The following GHR variants were observed in gnomAD, a reference collection of about 807,000 sequenced individuals.
The protein encoded by GHR is GH receptor.
Under a neutral mutation model 67.1 loss-of-function variants are expected in GHR, and 35 were observed. The ratio of observed to expected loss-of-function variants is 0.52; its 90% CI spans 0.40 to 0.69. GHR has a LOEUF of 0.69. Among genes scored for constraint, GHR ranks in the 30% least tolerant of loss-of-function variants. The probability of loss-of-function intolerance (pLI) is 0.00; values close to 1 mark genes in which losing one functional copy is unlikely to be tolerated. For synonymous variants in GHR, 272 were observed against 269.1 expected (o/e 1.01, Z -0.10); for missense variants, 792 against 764.6 (o/e 1.04, Z -0.42).
At chr5:42,632,076 T>G (rs952479399) in intron 3 of GHR, among the ~76,000 whole-genome samples, 2 of 152,092 alleles carry the variant, frequency 1.3e-5, no homozygotes, top group East Asian at 3.9e-4. Flanking sequence ...ACAATAATTT[T>G]CTTATGTTCT....
At chr5:42,426,400 A>G (rs540943982) in intron 1 of GHR, among the ~76,000 whole-genome samples, 49 of 152,338 alleles carry the variant, frequency 3.2e-4, no homozygotes, top group Non-Finnish European at 6.0e-4. Context: ...AGCTTAGTGA[A>G]AAAAGCATGG....
At chr5:42,712,230 G>A (rs77668657) in intron 7 of GHR, among the ~76,000 whole-genome samples, 2,130 of 152,064 alleles carry the variant, frequency 0.014, 81 homozygotes, top group East Asian at 0.12. Context: ...ATACTAAATA[G>A]CATTAGGATG....
At chr5:42,443,542 G>A (rs1743672375) in intron 1 of GHR, among the ~76,000 whole-genome samples, 1 of 152,172 alleles carries the variant, frequency 6.6e-6, no homozygotes, top group Admixed American at 6.5e-5. Flanking sequence ...GGTAGACATG[G>A]AGCAGGTTGT....
chr5:42,604,559 G>A (rs1016195074), intron 2 of GHR, among the ~76,000 whole-genome samples: 5 of 152,148 alleles, frequency 3.3e-5, no homozygotes, highest in African/African-American at 9.7e-5. Flanking sequence ...AGGAACAGGT[G>A]AATAGAGGGT....
chr5:42,639,860 G>A (rs180861071), intron 3 of GHR, among the ~76,000 whole-genome samples: 219 of 152,238 alleles, frequency 1.4e-3, no homozygotes, highest in African/African-American at 4.8e-3. Flanking sequence ...GGTTTAGCCA[G>A]GGCCTTACAA....
In GHR at chr5:42,625,422, G is replaced by A. The variant is rs567762894; in HGVS notation, c.71-3616G>A. Among the ~76,000 whole-genome samples the A allele has an allele frequency of 6.6e-5, 10 of 152,170 alleles. No individual in the cohort carries two copies. In the South Asian group the frequency reaches 2.1e-3, roughly 32 times the overall value. On this transcript the variant is annotated intron_variant, in intron 2 of 9. Coordinates refer to ENST00000230882, the MANE Select transcript of GHR (RefSeq NM_000163.5). ...ACCAGAGATCACCAAAATGTGTGTG[G>A]TGTCAACGAAAAGAGTCAAACTCTC... is the stretch of plus-strand genomic sequence containing the variant.
chr5:42,604,977 C>T (rs183562285), intron 2 of GHR, among the ~76,000 whole-genome samples: 346 of 151,956 alleles, frequency 2.3e-3, no homozygotes, highest in Non-Finnish European at 3.8e-3. Context: ...TCCTTGACTA[C>T]CTAGAGCTTT....
At chr5:42,683,747 A>T (rs1305031126) in intron 3 of GHR, among the ~76,000 whole-genome samples, 2 of 152,210 alleles carry the variant, frequency 1.3e-5, no homozygotes, top group Non-Finnish European at 2.9e-5. Context: ...AGACAAGAAC[A>T]AAACAGCTCT....
At chr5:42,530,850 T>A (rs975247635) in intron 1 of GHR, among the ~76,000 whole-genome samples, 1 of 152,364 alleles carries the variant, frequency 6.6e-6, no homozygotes, top group Admixed American at 6.5e-5. Flanking sequence ...TCTGCTCATC[T>A]CTTTGGAATA....
At chr5:42,670,178 C>A (rs1756202334) in intron 3 of GHR, among the ~76,000 whole-genome samples, 1 of 152,140 alleles carries the variant, frequency 6.6e-6, no homozygotes, top group East Asian at 1.9e-4. Flanking sequence ...ACAGATCTAT[C>A]AACTACTGAA....
At chr5:42,442,725 T>G (rs2111961925) in intron 1 of GHR, among the ~76,000 whole-genome samples, 1 of 152,312 alleles carries the variant, frequency 6.6e-6, no homozygotes, top group Admixed American at 6.5e-5. Flanking sequence ...TAAGGGAGAA[T>G]ATTGATATAA....
chr5:42,604,067 C>T (rs1752506323), intron 2 of GHR, among the ~76,000 whole-genome samples: 1 of 152,182 alleles, frequency 6.6e-6, no homozygotes, highest in Non-Finnish European at 1.5e-5. Context: ...TACAAACAAA[C>T]AGCCAGAAGA....
At chr5:42,531,440 C>A (rs1261872841) in intron 1 of GHR, among the ~76,000 whole-genome samples, 4 of 151,582 alleles carry the variant, frequency 2.6e-5, no homozygotes, top group Non-Finnish European at 5.9e-5. Flanking sequence ...ATGGGGCTTT[C>A]TGGCAGGTTA....
chr5:42,541,810 G>T (rs1748531150), intron 1 of GHR, among the ~76,000 whole-genome samples: 1 of 152,146 alleles, frequency 6.6e-6, no homozygotes, highest in Non-Finnish European at 1.5e-5. Flanking sequence ...ATCAGTGAAA[G>T]AATAGAGGAA....
chr5:42,433,672 G>GGATTGGAA (rs1743194336), intron 1 of GHR, among the ~76,000 whole-genome samples: 1 of 151,634 alleles, frequency 6.6e-6, no homozygotes, highest in African/African-American at 2.4e-5. Flanking sequence ...TTGGACTGAG[G>GGATTGGAA]GATTGGAAGA....
At chr5:42,454,775 G>C (rs1744190716) in intron 1 of GHR, among the ~76,000 whole-genome samples, 1 of 151,934 alleles carries the variant, frequency 6.6e-6, no homozygotes, top group Non-Finnish European at 1.5e-5. Context: ...CTTACTCCAG[G>C]CCATACACTT....
chr5:42,473,282 G>A (rs988640815), intron 1 of GHR, among the ~76,000 whole-genome samples: 5 of 152,152 alleles, frequency 3.3e-5, no homozygotes, highest in Non-Finnish European at 7.3e-5. Flanking sequence ...AACTCTTGGA[G>A]TGCAACGGCG....
At chr5:42,502,851 A>T (rs941339373) in intron 1 of GHR, among the ~76,000 whole-genome samples, 2 of 148,718 alleles carry the variant, frequency 1.3e-5, no homozygotes, top group Non-Finnish European at 3.0e-5. Context: ...AATAATAATT[A>T]TTTTTATTAA....
At chr5:42,513,328 T>A (rs1048723082) in intron 1 of GHR, among the ~76,000 whole-genome samples, 6 of 152,206 alleles carry the variant, frequency 3.9e-5, no homozygotes, top group African/African-American at 1.4e-4. Context: ...AGAACCCAAA[T>A]GACATTGTGG....
Sources: gnomAD v4.1 joint callset for allele counts (sites outside exome capture counted in the v4.1 genomes callset) on GRCh38, gnomAD v4.1.1 for gene constraint, MANE v1.5 for transcripts, NCBI Gene and HGNC (gene_info 2026-07-23, HGNC 2026-07-21) for gene names.